The following CFAP36 variants were observed in gnomAD, a reference collection of about 807,000 sequenced individuals.
CFAP36 encodes the protein cilia- and flagella-associated protein 36.
In CFAP36, 37 loss-of-function variants were observed where a neutral mutation model predicts 50.5. The observed-to-expected ratio is 0.73, with a 90% CI of 0.56 to 0.96. The LOEUF (loss-of-function observed/expected upper bound fraction) is 0.96, where lower values mean the gene tolerates loss of function less well. CFAP36 is among the 50% of genes least tolerant of loss of function. The probability of loss-of-function intolerance (pLI) is 0.00; values close to 1 mark genes in which losing one functional copy is unlikely to be tolerated. For missense variants in CFAP36, 407 were observed against 396.2 expected (o/e 1.03, Z -0.23); for synonymous variants, 138 against 128.2 (o/e 1.08, Z -0.52).
intron 7 of CFAP36, among the ~76,000 whole-genome samples, chr2:55,538,320 G>C (rs1160069540): frequency 7.2e-6 from 1 of 139,282 alleles, no homozygotes; most frequent in Non-Finnish European, 1.5e-5. Flanking sequence ...TTGAGTCAGA[G>C]TTTTGCTGTT....
intron 7 of CFAP36, chr2:55,538,850 A>T: frequency 6.6e-7 from 1 of 1,525,970 alleles, no homozygotes; most frequent in South Asian, 1.3e-5. Flanking sequence ...TCTGACACTA[A>T]ATATATTCTT....
At chr2:55,541,063 C>G (rs539674490) in intron 7 of CFAP36, among the ~76,000 whole-genome samples, 1 of 152,194 alleles carries the variant, frequency 6.6e-6, no homozygotes, top group East Asian at 1.9e-4. Context: ...GTGGCTCACA[C>G]CTGTCATCCC....
intron 5 of CFAP36, 82 bp downstream of exon 5, chr2:55,534,042 G>A: frequency 1.4e-6 from 1 of 704,574 alleles, no homozygotes; most frequent in South Asian, 2.4e-5. Context: ...CAACAAATAT[G>A]AACTAATAAA....
At chr2:55,519,994 G>A in intron 1 of CFAP36, 78 bp downstream of exon 1, 5 of 1,324,020 alleles carry the variant, frequency 3.8e-6, no homozygotes, top group East Asian at 2.4e-5. Context: ...GTAACCACAA[G>A]CCATCTCTCG....
chr2:55,536,421 A>G (rs1279549505), intron 6 of CFAP36, among the ~76,000 whole-genome samples: 2 of 151,400 alleles, frequency 1.3e-5, no homozygotes, highest in East Asian at 3.9e-4. Flanking sequence ...GTGAGCCACC[A>G]TGCCCGGCCA....
intron 1 of CFAP36, among the ~76,000 whole-genome samples, chr2:55,521,802 G>A (rs1444120854): frequency 1.3e-5 from 2 of 151,718 alleles, no homozygotes; most frequent in Non-Finnish European, 2.9e-5. Context: ...GCTGATTTTT[G>A]TATTTTTAGT....
intron 7 of CFAP36, among the ~76,000 whole-genome samples, chr2:55,537,792 C>T (rs1402798564): frequency 2.0e-5 from 3 of 152,190 alleles, no homozygotes; most frequent in Non-Finnish European, 4.4e-5. Flanking sequence ...CCTCAAGTTT[C>T]CGTGTAAAGC....
chr2:55,526,900 C>T (rs190450694), intron 3 of CFAP36, among the ~76,000 whole-genome samples: 93 of 152,280 alleles, frequency 6.1e-4, no homozygotes, highest in African/African-American at 1.5e-3. Flanking sequence ...TGGTGACACG[C>T]TGCTGTAGTC....
At chr2:55,523,111 A>G (rs1458666224) in intron 2 of CFAP36, among the ~76,000 whole-genome samples, 1 of 145,530 alleles carries the variant, frequency 6.9e-6, no homozygotes, top group Non-Finnish European at 1.5e-5. Flanking sequence ...AAAAAAAAAA[A>G]GAAAGAAAGA....
intron 1 of CFAP36, among the ~76,000 whole-genome samples, chr2:55,521,167 A>G (rs1044237513): frequency 3.3e-5 from 5 of 151,468 alleles, no homozygotes; most frequent in South Asian, 2.1e-4. Flanking sequence ...TTTTTTAACA[A>G]TGTTCAAAAA....
intron 4 of CFAP36, among the ~76,000 whole-genome samples, chr2:55,532,321 C>T (rs904401648): frequency 2.6e-5 from 4 of 151,904 alleles, no homozygotes; most frequent in Non-Finnish European, 5.9e-5. Context: ...GAAAATAGTT[C>T]TTAATGATGA....
In CFAP36 at chr2:55,537,598, T is replaced by G; in HGVS notation, c.640+13T>G. 6.5e-7 allele frequency: 1 copy of G among 1,538,452 alleles called. No individual in the cohort carries two copies. ...CACCCACCCTCAGGTAAGGTTGAGG[T>G]GTACTGAACTTTCTCTAATAATATG... is the stretch of plus-strand genomic sequence containing the variant. On this transcript the variant is annotated intron_variant, in intron 7 of 9. Transcript: ENST00000349456.
chr2:55,544,063 G>A lies in CFAP36; in HGVS notation c.766G>A (p.Gly256Arg), dbSNP rs2103673506. Residue 256 changes from glycine to arginine, a missense_variant, in exon 8 of 10, where the codon GGA becomes AGA. Coordinates refer to ENST00000349456, the MANE Select transcript of CFAP36 (RefSeq NM_080667.7). ...IPGLEHASIE[G>R]PIANLSVLGT... ...TGGCTTAGAGCATGCGAGCATTGAA[G>A]GACCAATAGCAGTAAGTAAACGACA... The A allele has an allele frequency of 9.3e-6, 15 of 1,613,816 alleles. No homozygotes were observed. The highest frequency in any genetic ancestry group is 1.3e-5 in the Non-Finnish European group (15 of 1,179,918).
chr2:55,520,562 G>A, intron 1 of CFAP36: 4 of 1,024,964 alleles, frequency 3.9e-6, no homozygotes, highest in Non-Finnish European at 5.5e-6. Context: ...GTATAGATAT[G>A]GCATAATATT....
rs143783036 is a variant in CFAP36, at chr2:55,529,605, T to TC, written c.397+614dup. The stretch of plus-strand genomic sequence containing the variant: ...ACTGTTGAGAGGTGTCCATCCTTTT[T>TC]CTGGCTTAAGATTGTTAGGACCTTT... On this transcript the variant is annotated intron_variant, in intron 4 of 9. Transcript: ENST00000349456. Among the ~76,000 whole-genome samples the TC allele has an allele frequency of 4.0e-3, 610 of 152,020 alleles. 6 individuals are homozygous for TC. The highest frequency in any genetic ancestry group is 0.014 in the African/African-American group (598 of 41,482).
At chr2:55,524,476 A>G (rs1009672673) in intron 3 of CFAP36, among the ~76,000 whole-genome samples, 16 of 128,658 alleles carry the variant, frequency 1.2e-4, no homozygotes, top group African/African-American at 4.3e-4. Flanking sequence ...TGTGTTGTCC[A>G]GGCTGGTCTT....
At chr2:55,544,813 G>GC in intron 9 of CFAP36, 94 bp from the exon 10 acceptor site, 1 of 715,276 alleles carries the variant, frequency 1.4e-6, no homozygotes, top group Non-Finnish European at 2.4e-6. Flanking sequence ...ACAAGAAGGT[G>GC]CCCCCGATTT....
chr2:55,535,571 G>T (rs913539683), intron 5 of CFAP36, 141 bp from the exon 6 acceptor site: 1 of 634,014 alleles, frequency 1.6e-6, no homozygotes. Context: ...AGCCACTTTA[G>T]AGCAAGGCTT....
intron 3 of CFAP36, among the ~76,000 whole-genome samples, chr2:55,525,459 A>C (rs1180933174): frequency 6.6e-6 from 1 of 152,164 alleles, no homozygotes; most frequent in Non-Finnish European, 1.5e-5. Flanking sequence ...CCAACCCCAA[A>C]AAACAAAACA....
Sources: allele counts gnomAD v4.1 joint callset (sites outside exome capture counted in the v4.1 genomes callset), GRCh38; gene constraint gnomAD v4.1.1; transcripts MANE v1.5; gene names NCBI Gene and HGNC (gene_info 2026-07-23, HGNC 2026-07-21).